The following PRELID2 variants were observed in gnomAD, a reference collection of about 807,000 sequenced individuals.
PRELID2 encodes PRELI domain containing 2, also known as PRELI domain-containing protein 2.
Under a neutral mutation model 28.4 loss-of-function variants are expected in PRELID2, and 25 were observed. The ratio of observed to expected loss-of-function variants is 0.88; its 90% CI spans 0.64 to 1.23. The LOEUF (loss-of-function observed/expected upper bound fraction) is 1.23, where lower values mean the gene tolerates loss of function less well. Among genes scored for constraint, PRELID2 ranks in the 50% most tolerant of loss-of-function variants. PRELID2 has a pLI of 0.00. For missense variants in PRELID2, 201 were observed against 214.4 expected (o/e 0.94, Z 0.39); for synonymous variants, 76 against 71.6 (o/e 1.06, Z -0.31).
chr5:145,590,544 A>G (rs115780542), intron 1 of PRELID2, among the ~76,000 whole-genome samples: 296 of 152,326 alleles, frequency 1.9e-3, no homozygotes, highest in African/African-American at 6.7e-3. Flanking sequence ...AACATGGCAG[A>G]TAACCAACAA....
chr5:145,723,196 C>G (rs1322694195), intron 1 of PRELID2, among the ~76,000 whole-genome samples: 2 of 151,900 alleles, frequency 1.3e-5, no homozygotes, highest in African/African-American at 4.8e-5. Flanking sequence ...ACATAATGAC[C>G]AAGCAGAGTT....
Position 145,757,407 on chromosome 5 carries a change from T to A in PRELID2, c.*3129A>T, listed in dbSNP as rs999763368. Among the ~76,000 whole-genome samples the A allele has an allele frequency of 1.3e-5, 2 of 152,222 alleles. No individual in the cohort carries two copies. The highest frequency in any genetic ancestry group is 4.8e-5 in the African/African-American group (2 of 41,458). ...TCGCTGGGGAAAGGGACTGAGAACCTGCACGTTAGCACGTTGCCCCAAAGA... is the reference window on the plus strand; with the variant it reads ...TCGCTGGGGAAAGGGACTGAGAACCAGCACGTTAGCACGTTGCCCCAAAGA... On this transcript the variant is annotated 3_prime_UTR_variant, in exon 7 of 7. Coordinates refer to ENST00000683046, the MANE Select transcript of PRELID2 (RefSeq NM_205846.3).
At chr5:145,438,291 C>T in the PRELID2 span, among the ~76,000 whole-genome samples, 1 of 152,006 alleles carries the variant, frequency 6.6e-6, no homozygotes. Context: ...AGAAGAAAGA[C>T]AAGAAATCAA....
the PRELID2 span, among the ~76,000 whole-genome samples, chr5:145,342,885 C>T: frequency 8.1e-6 from 1 of 123,996 alleles, no homozygotes; most frequent in Non-Finnish European, 1.7e-5. Context: ...GATAAACCAA[C>T]TTTAAGTCAA....
At chr5:145,713,335 G>C (rs959437389) in intron 1 of PRELID2, among the ~76,000 whole-genome samples, 1 of 118,858 alleles carries the variant, frequency 8.4e-6, no homozygotes, top group Non-Finnish European at 1.8e-5. Flanking sequence ...AGAACTCTAA[G>C]AATGATATCT....
At chr5:145,795,704 C>A (rs1181567609) in intron 5 of PRELID2, 1 of 152,050 alleles carries the variant, frequency 6.6e-6, no homozygotes, top group Non-Finnish European at 1.5e-5. Flanking sequence ...CACTTAGGAG[C>A]AACTGCTTTA....
the PRELID2 span, among the ~76,000 whole-genome samples, chr5:145,310,182 A>C: frequency 6.6e-6 from 1 of 152,216 alleles, no homozygotes; most frequent in African/African-American, 2.4e-5. Flanking sequence ...GCACATATGG[A>C]ACACTTAATA....
chr5:145,517,987 G>C (rs7714874), intron 1 of PRELID2, among the ~76,000 whole-genome samples: 51,508 of 151,654 alleles, frequency 0.34, 9,874 homozygotes, highest in East Asian at 0.89. Context: ...ACTGGGGCCT[G>C]TCAGTGGGTG....
intron 1 of PRELID2, among the ~76,000 whole-genome samples, chr5:145,734,205 T>C (rs1756430255): frequency 6.6e-6 from 1 of 152,128 alleles, no homozygotes; most frequent in Non-Finnish European, 1.5e-5. Context: ...AGCCTTGAAC[T>C]CCTAGGCTGA....
In PRELID2 at chr5:145,604,881, C is replaced by CTATATATATATATATATATA. The variant is rs1347559677; in HGVS notation, n.71-131567_71-131566insTATATATATATATATATATA. ...GACCATATTTTAATATGCTTGTTGGCCATATATATATATATATATATATTC... is the reference window on the plus strand; with the variant it reads ...GACCATATTTTAATATGCTTGTTGGCTATATATATATATATATATACATATATATATATATATATATATTC... On this transcript the variant is annotated intron_variant and non_coding_transcript_variant, in intron 1 of 2. Coordinates refer to the PRELID2 transcript ENST00000510259. Among the ~76,000 whole-genome samples, 100 of 85,658 alleles carry CTATATATATATATATATATA rather than the reference C, an allele frequency of 1.2e-3. 2 individuals carry two copies. The highest frequency in any genetic ancestry group is 5.5e-3 in the African/African-American group (96 of 17,340). 56.2% of individuals were successfully genotyped at this position (85,658 alleles called of 152,430 possible). A position where few individuals can be genotyped will look rare whatever the true frequency, so the allele number is the denominator to read the frequency against.
the PRELID2 span, among the ~76,000 whole-genome samples, chr5:145,376,820 A>T: frequency 1.3e-5 from 2 of 151,460 alleles, no homozygotes; most frequent in African/African-American, 4.8e-5. Flanking sequence ...CTATTTTATA[A>T]TTTTTTTTGA....
downstream of PRELID2, among the ~76,000 whole-genome samples, chr5:145,752,095 C>A (rs1463100993): frequency 1.3e-5 from 2 of 151,994 alleles, no homozygotes; most frequent in African/African-American, 4.8e-5. Flanking sequence ...CATGCAATAC[C>A]CCCCAGAAGG....
chr5:145,698,557 G>A (rs982284181), intron 1 of PRELID2, among the ~76,000 whole-genome samples: 11 of 152,158 alleles, frequency 7.2e-5, no homozygotes, highest in Non-Finnish European at 1.0e-4. Context: ...TGTCTGTTAA[G>A]GGCCCACTTC....
chr5:145,654,687 A>G (rs1336819721), intron 1 of PRELID2, among the ~76,000 whole-genome samples: 1 of 152,184 alleles, frequency 6.6e-6, no homozygotes, highest in Non-Finnish European at 1.5e-5. Context: ...GGCCTTTGAC[A>G]AAATTCAACA....
intron 1 of PRELID2, among the ~76,000 whole-genome samples, chr5:145,724,602 T>A (rs1756082305): frequency 3.6e-5 from 1 of 27,810 alleles, no homozygotes; most frequent in Non-Finnish European, 5.7e-5. Flanking sequence ...AGTAAATAAA[T>A]ATATATATAT....
At chr5:145,764,134 T>C (rs1757610174) in intron 6 of PRELID2, among the ~76,000 whole-genome samples, 1 of 152,160 alleles carries the variant, frequency 6.6e-6, no homozygotes, top group Admixed American at 6.6e-5. Flanking sequence ...ATAAATTCTG[T>C]AAGATGTAAA....
chr5:145,279,365 G>A, the PRELID2 span, among the ~76,000 whole-genome samples: 3 of 152,092 alleles, frequency 2.0e-5, no homozygotes, highest in Non-Finnish European at 4.4e-5. Flanking sequence ...TGACAGGCAT[G>A]GTAAAGTTCT....
intron 1 of PRELID2, among the ~76,000 whole-genome samples, chr5:145,515,861 A>G (rs1280193409): frequency 2.0e-5 from 3 of 152,236 alleles, no homozygotes; most frequent in African/African-American, 7.2e-5. Flanking sequence ...AACGTAATCC[A>G]TCACATAAAC....
chr5:145,709,322 T>C (rs746271135), intron 1 of PRELID2, among the ~76,000 whole-genome samples: 1 of 152,208 alleles, frequency 6.6e-6, no homozygotes, highest in Non-Finnish European at 1.5e-5. Flanking sequence ...TAGCTTTCTG[T>C]GCTATCTCCC....
Sources: allele counts gnomAD v4.1 joint callset (sites outside exome capture counted in the v4.1 genomes callset), GRCh38; gene constraint gnomAD v4.1.1; transcripts MANE v1.5; gene names NCBI Gene and HGNC (gene_info 2026-07-23, HGNC 2026-07-21).